Variants in PPME1 observed in about 807,000 individuals in gnomAD.
PPME1 encodes testicular secretory protein Li 39.
In PPME1, 17 loss-of-function variants were observed where a neutral mutation model predicts 56.9. That is an observed-to-expected ratio of 0.30 (90% CI 0.20 to 0.45). PPME1 has a LOEUF of 0.45. PPME1 is among the 20% of genes least tolerant of loss of function. The pLI is 1.00. For missense variants in PPME1, 357 were observed against 483.2 expected (o/e 0.74, Z 2.45); for synonymous variants, 122 against 156.2 (o/e 0.78, Z 1.63).
chr11:74,248,639 T>G (rs1268874864), intron 11 of PPME1: 1 of 152,122 alleles, frequency 6.6e-6, no homozygotes, highest in African/African-American at 2.4e-5. Context: ...AATTATGGGC[T>G]TAGACACTTA....
chr11:74,211,994 T>C (rs1858489460), intron 3 of PPME1, among the ~76,000 whole-genome samples: 1 of 152,100 alleles, frequency 6.6e-6, no homozygotes, highest in Admixed American at 6.5e-5. Context: ...GAACACCAAA[T>C]TGAACAAATG....
chr11:74,201,720 C>G (rs532589366), intron 1 of PPME1, among the ~76,000 whole-genome samples: 1 of 152,330 alleles, frequency 6.6e-6, no homozygotes, highest in East Asian at 1.9e-4. Context: ...GTATTTGGCA[C>G]AGTGACTCGT....
chr11:74,215,488 C>T (rs1216021509), intron 3 of PPME1, among the ~76,000 whole-genome samples: 4 of 152,060 alleles, frequency 2.6e-5, no homozygotes, highest in Non-Finnish European at 5.9e-5. Flanking sequence ...GGTTATGATA[C>T]TATTTGCAAG....
chr11:74,176,804 C>T (rs1857411262), intron 1 of PPME1, among the ~76,000 whole-genome samples: 1 of 150,270 alleles, frequency 6.7e-6, no homozygotes, highest in Non-Finnish European at 1.5e-5. Flanking sequence ...GATCTTGGCC[C>T]ACTACAACCT....
intron 3 of PPME1, among the ~76,000 whole-genome samples, chr11:74,210,630 C>G (rs1180940352): frequency 6.6e-6 from 1 of 152,130 alleles, no homozygotes; most frequent in Non-Finnish European, 1.5e-5. Context: ...ACATCTCCCT[C>G]CCCTCTTTCT....
chr11:74,179,415 A>G (rs1443851530), intron 1 of PPME1, among the ~76,000 whole-genome samples: 1 of 152,180 alleles, frequency 6.6e-6, no homozygotes, highest in African/African-American at 2.4e-5. Flanking sequence ...GAATCACTTG[A>G]GCCTGGGAGT....
At chr11:74,191,925 T>TG (rs35264400) in intron 1 of PPME1, among the ~76,000 whole-genome samples, 2 of 152,108 alleles carry the variant, frequency 1.3e-5, no homozygotes, top group African/African-American at 4.8e-5. Context: ...TGAGGGGAAA[T>TG]GGGGGGTTGG....
chr11:74,231,023 G>A (rs755432463), intron 7 of PPME1, 21 bp downstream of exon 7: 50 of 1,526,888 alleles, frequency 3.3e-5, no homozygotes, highest in African/African-American at 9.6e-5. Flanking sequence ...AATCTTTGTC[G>A]CCTTTATTTA....
At chr11:74,200,085 C>T (rs750197187) in intron 1 of PPME1, among the ~76,000 whole-genome samples, 19 of 152,148 alleles carry the variant, frequency 1.2e-4, no homozygotes, top group Admixed American at 2.0e-4. Context: ...TCTTTCATTA[C>T]GACCCCTTGA....
chr11:74,238,172 T>G (rs1040773845), intron 8 of PPME1: 6 of 140,608 alleles, frequency 4.3e-5, no homozygotes, highest in African/African-American at 1.8e-4. Context: ...GTTACACTGT[T>G]TTTTTTTTTT....
At position 74,235,908 on chromosome 11, in the gene PPME1, A is replaced by G; in HGVS notation, c.652A>G (p.Ser218Gly). The G allele has an allele frequency of 3.1e-6, 5 of 1,611,658 alleles. No homozygotes were observed. Among genetic ancestry groups the G allele is most frequent in the Non-Finnish European group, 4.2e-6 (5 of 1,178,976 alleles). The change falls in exon 8 of 14, where the codon AGT becomes GGT. Residue 218 changes from serine to glycine, a missense_variant. Physicochemically the swap from Ser to Gly is moderately conservative, Grantham distance 56. This residue lies in a region of PPME1 where 182 missense variants were observed against 293.8 expected (regional missense o/e 0.62). Transcript: ENST00000328257. ...LENAIEWSVKSGQIRNLESAR... is the reference protein window; with the variant it reads ...LENAIEWSVKGGQIRNLESAR... ...CTTTCTTTTCTTTCCCAGTGTGAAG[A>G]GTGGCCAGATTCGAAATCTGGAGTC...
In PPME1 at chr11:74,203,709, C is replaced by G. The variant is rs774408540; in HGVS notation, c.102-19C>G. 3.8e-6 allele frequency: 6 copies of G among 1,590,014 alleles called. No homozygotes were observed. The East Asian group carries it at 6.8e-5, about 18-fold the overall frequency. On this transcript the variant is annotated intron_variant, in intron 1 of 13. Transcript: ENST00000328257. ...TATGCATAATTTTTCTGAAATGTCT[C>G]TCTCTTTTTTTTCCTCAGCCCTGGA...
intron 9 of PPME1, among the ~76,000 whole-genome samples, chr11:74,241,849 T>C (rs1859368706): frequency 6.6e-6 from 1 of 152,210 alleles, no homozygotes; most frequent in African/African-American, 2.4e-5. Context: ...TTGATTTTAT[T>C]ACTGAATTTT....
chr11:74,235,754 A>G lies in PPME1; in HGVS notation c.645-147A>G. On this transcript the variant is annotated intron_variant, in intron 7 of 13. Transcript: ENST00000328257. ...ATAAAACCATGTAGCCAGGTGAGTA[A>G]TAGTGGCAATCTCTATAGTAAGAAA... is the stretch of plus-strand genomic sequence containing the variant. 3.9e-6 allele frequency: 5 copies of G among 1,272,428 alleles called. No homozygotes were observed. In the East Asian group the frequency reaches 7.9e-5, roughly 20 times the overall value. 78.8% of individuals were successfully genotyped at this position (1,272,428 alleles called of 1,614,324 possible).
chr11:74,176,593 T>A (rs1199174161), intron 1 of PPME1, among the ~76,000 whole-genome samples: 1 of 152,144 alleles, frequency 6.6e-6, no homozygotes, highest in Non-Finnish European at 1.5e-5. Context: ...CATAAACTCG[T>A]TACTCATTAG....
intron 11 of PPME1, among the ~76,000 whole-genome samples, 188 bp downstream of exon 11, chr11:74,247,311 T>A (rs1859528703): frequency 6.6e-6 from 1 of 152,030 alleles, no homozygotes; most frequent in Non-Finnish European, 1.5e-5. Flanking sequence ...TCCTGAGCTT[T>A]AATTTGTTTA....
Position 74,171,345 on chromosome 11 carries a change from C to T in PPME1, c.-77C>T, listed in dbSNP as rs902288491. On this transcript the variant is annotated 5_prime_UTR_variant, in exon 1 of 14. Transcript: ENST00000328257. The stretch of plus-strand genomic sequence containing the variant: ...ACAGGGCGTCGTTAGGGGAGCGAGT[C>T]GTGACCGGTTGGGCCACACTCAACG... The T allele has an allele frequency of 2.8e-5, 43 of 1,529,296 alleles. No homozygotes were observed. In the East Asian group the frequency reaches 6.6e-4, roughly 23 times the overall value. The allele number at this position is 1,529,296 out of a possible 1,614,324, so 94.7% of individuals were successfully genotyped here. A position where few individuals can be genotyped will look rare whatever the true frequency, so the allele number is the denominator to read the frequency against.
At chr11:74,186,484 TC>T (rs1455693260) in intron 1 of PPME1, among the ~76,000 whole-genome samples, 4 of 152,152 alleles carry the variant, frequency 2.6e-5, no homozygotes. Flanking sequence ...CTCAGCTACT[TC>T]CCATGGTCTT....
intron 9 of PPME1, among the ~76,000 whole-genome samples, chr11:74,245,579 A>C (rs1432576975): frequency 6.6e-6 from 1 of 152,202 alleles, no homozygotes; most frequent in Non-Finnish European, 1.5e-5. Flanking sequence ...ATAAGAAAAA[A>C]TGCTCTACTG....
Sources: gnomAD v4.1 joint callset for allele counts (sites outside exome capture counted in the v4.1 genomes callset) on GRCh38, gnomAD v4.1.1 for gene constraint, gnomAD v4.1.1 regional missense constraint, MANE v1.5 for transcripts, NCBI Gene and HGNC (gene_info 2026-07-23, HGNC 2026-07-21) for gene names.